MTHFD1L: variants seen among roughly 807,000 people sequenced by gnomAD.
The protein encoded by MTHFD1L is methylenetetrahydrofolate dehydrogenase (NADP+ dependent) 1 like, also known as monofunctional C1-tetrahydrofolate synthase, mitochondrial.
Under a neutral mutation model 119.5 loss-of-function variants are expected in MTHFD1L, and 81 were observed. The observed-to-expected ratio is 0.68, with a 90% CI of 0.57 to 0.82. MTHFD1L has a LOEUF of 0.82. MTHFD1L is among the 40% of genes least tolerant of loss of function. The pLI is 0.00. For synonymous variants in MTHFD1L, 430 were observed against 475.2 expected (o/e 0.90, Z 1.24); for missense variants, 1,125 against 1,253.4 (o/e 0.90, Z 1.55).
chr6:150,875,668 T>C (rs1488133689), intron 1 of MTHFD1L, among the ~76,000 whole-genome samples: 1 of 151,832 alleles, frequency 6.6e-6, no homozygotes, highest in Middle Eastern at 3.2e-3. Flanking sequence ...CCTAATCCCC[T>C]GTCTTCACAT....
rs1171558563 is a variant in MTHFD1L at position 150,922,641 on chromosome 6, CCCA to C, written c.1082+342_1082+344del. On this transcript the variant is annotated intron_variant, in intron 10 of 27. Coordinates refer to ENST00000367321, the MANE Select transcript of MTHFD1L (RefSeq NM_015440.5). ...ATATTTAATGGCAGTGTTTTCCCCC[CCCA>C]CCCTTTTTTTTTTTTTTGAGATGGA... Among the ~76,000 whole-genome samples, 49 of 89,940 alleles carry C rather than the reference CCCA, an allele frequency of 5.4e-4. 1 individual carries two copies. Among genetic ancestry groups the C allele is most frequent in the African/African-American group, 1.5e-3 (28 of 18,162 alleles). The allele number at this position is 89,940 out of a possible 152,430, so 59.0% of individuals were successfully genotyped here. A position where few individuals can be genotyped will look rare whatever the true frequency, so the allele number is the denominator to read the frequency against.
chr6:151,019,813 G>T (rs1017410462), intron 24 of MTHFD1L, among the ~76,000 whole-genome samples: 4 of 152,168 alleles, frequency 2.6e-5, no homozygotes, highest in Non-Finnish European at 5.9e-5. Flanking sequence ...TTGTCACCAT[G>T]TAAAAATCTG....
At chr6:151,056,313 A>G (rs1789914094) in intron 26 of MTHFD1L, among the ~76,000 whole-genome samples, 1 of 152,160 alleles carries the variant, frequency 6.6e-6, no homozygotes, top group Admixed American at 6.5e-5. Context: ...TCACAAAAGT[A>G]TTGTCAACCC....
chr6:151,066,665 TGAGGCAGGAGAATGGCGTGAACCCGG>T (rs1425159778), intron 26 of MTHFD1L, among the ~76,000 whole-genome samples: 4 of 150,300 alleles, frequency 2.7e-5, no homozygotes, highest in African/African-American at 9.8e-5. Flanking sequence ...CTCAGGAGGC[TGAGGCAGGAGAATGGCGTGAACCCGG>T]GAGGCGGAGC....
intron 26 of MTHFD1L, among the ~76,000 whole-genome samples, chr6:151,068,775 C>A (rs933114528): frequency 4.3e-4 from 66 of 152,328 alleles, no homozygotes; most frequent in African/African-American, 1.5e-3. Context: ...TCAGAGCTTT[C>A]TTCAGTAGGC....
At chr6:151,044,176 G>GC in intron 26 of MTHFD1L, among the ~76,000 whole-genome samples, 1 of 152,172 alleles carries the variant, frequency 6.6e-6, no homozygotes, top group Non-Finnish European at 1.5e-5. Flanking sequence ...CTTAGGGCCT[G>GC]CCCCCCATGT....
chr6:150,894,799 T>A (rs1583429239), intron 7 of MTHFD1L, among the ~76,000 whole-genome samples: 1 of 152,216 alleles, frequency 6.6e-6, no homozygotes, highest in African/African-American at 2.4e-5. Flanking sequence ...CCACGGAGCC[T>A]GAGCATGAAG....
chr6:151,038,101 A>AT, intron 26 of MTHFD1L, among the ~76,000 whole-genome samples: 1 of 152,286 alleles, frequency 6.6e-6, no homozygotes, highest in South Asian at 2.1e-4. Flanking sequence ...TTCAATCAGC[A>AT]TTTTTTGAAT....
intron 1 of MTHFD1L, among the ~76,000 whole-genome samples, chr6:150,870,024 C>A (rs1376365916): frequency 6.6e-6 from 1 of 152,198 alleles, no homozygotes; most frequent in Non-Finnish European, 1.5e-5. Flanking sequence ...CCCGCCTTGG[C>A]CTCCCAAAGT....
At chr6:150,968,905 A>G (rs1583863346) in intron 19 of MTHFD1L, among the ~76,000 whole-genome samples, 1 of 145,414 alleles carries the variant, frequency 6.9e-6, no homozygotes. Flanking sequence ...CTGGAGTGCA[A>G]TGGTGTGATC....
chr6:151,034,901 A>C (rs1056410599), intron 25 of MTHFD1L, among the ~76,000 whole-genome samples: 1 of 152,112 alleles, frequency 6.6e-6, no homozygotes, highest in African/African-American at 2.4e-5. Flanking sequence ...TCAGCCCTGA[A>C]TGTTGAAGCT....
At chr6:150,990,016 C>T (rs1251945213) in intron 20 of MTHFD1L, among the ~76,000 whole-genome samples, 2 of 152,142 alleles carry the variant, frequency 1.3e-5, no homozygotes, top group Admixed American at 6.5e-5. Context: ...CAGTGGCTCA[C>T]GCCTGTAATC....
Position 150,954,176 on chromosome 6 carries a change from A to C in MTHFD1L, c.1727-1819A>C, listed in dbSNP as rs1795271033. Among the ~76,000 whole-genome samples, 6 of 152,358 alleles carry C rather than the reference A, an allele frequency of 3.9e-5. No individual in the cohort carries two copies. In the South Asian group the frequency reaches 1.2e-3, roughly 32 times the overall value. On this transcript the variant is annotated intron_variant, in intron 16 of 27. Transcript: ENST00000367321. ...TCTTCATCCTACGGATGCCTATAGT[A>C]CCAAATACGTAATTTCCATCACCAT...
intron 19 of MTHFD1L, among the ~76,000 whole-genome samples, chr6:150,967,050 T>G (rs1738571): frequency 0.47 from 71,646 of 151,796 alleles, 17,806 homozygotes; most frequent in South Asian, 0.59. Context: ...TCTGCCAGCA[T>G]GCACGTATCC....
chr6:150,912,101 C>A (rs1169832511), intron 8 of MTHFD1L, among the ~76,000 whole-genome samples: 1 of 152,054 alleles, frequency 6.6e-6, no homozygotes, highest in Non-Finnish European at 1.5e-5. Flanking sequence ...TGGCGCTAAG[C>A]CTTTCATGAA....
intron 20 of MTHFD1L, among the ~76,000 whole-genome samples, chr6:150,996,610 A>C (rs1779837829): frequency 1.3e-5 from 2 of 151,728 alleles, no homozygotes; most frequent in African/African-American, 4.8e-5. Flanking sequence ...CTCTTCTCAA[A>C]CTCTGCAGCT....
intron 26 of MTHFD1L, among the ~76,000 whole-genome samples, chr6:151,081,285 C>A (rs1441267891): frequency 6.6e-6 from 1 of 152,086 alleles, no homozygotes; most frequent in Non-Finnish European, 1.5e-5. Context: ...GAGGTGACTC[C>A]CCCTTCTCCA....
intron 6 of MTHFD1L, among the ~76,000 whole-genome samples, chr6:150,887,348 C>T (rs1318675773): frequency 1.3e-5 from 2 of 152,144 alleles, no homozygotes; most frequent in Non-Finnish European, 2.9e-5. Context: ...AATTCAGCAA[C>T]AGGAATTGGA....
At chr6:150,938,573 T>G in intron 12 of MTHFD1L, 126 bp from the exon 13 acceptor site, 1 of 937,656 alleles carries the variant, frequency 1.1e-6, no homozygotes, top group Middle Eastern at 3.2e-4. Flanking sequence ...CTCACTGCCT[T>G]TTGTTACTTC....
Sources: allele counts gnomAD v4.1 joint callset (sites outside exome capture counted in the v4.1 genomes callset), GRCh38; gene constraint gnomAD v4.1.1; transcripts MANE v1.5; gene names NCBI Gene and HGNC (gene_info 2026-07-23, HGNC 2026-07-21).